SFMBT1: variants seen among roughly 807,000 people sequenced by gnomAD.
The protein encoded by SFMBT1 is Scm like with four mbt domains 1.
A neutral mutation model predicts 108.7 loss-of-function variants in SFMBT1; 32 were observed. That is an observed-to-expected ratio of 0.29 (90% CI 0.22 to 0.40). The LOEUF (loss-of-function observed/expected upper bound fraction) is 0.40, where lower values mean the gene tolerates loss of function less well. SFMBT1 is among the 10% of genes least tolerant of loss of function. The pLI is 1.00. For missense variants in SFMBT1, 816 were observed against 1,059.6 expected, an observed-to-expected ratio of 0.77 and a Z score of 3.19; for synonymous variants, 348 against 369.5, an observed-to-expected ratio of 0.94 and a Z score of 0.67.
chr3:52,928,089 G>A (rs1438401579), intron 9 of SFMBT1, 102 bp downstream of exon 9: 1 of 1,445,822 alleles, frequency 6.9e-7, no homozygotes, highest in African/African-American at 1.4e-5. Flanking sequence ...GAACAGGCTA[G>A]GGCAGGAGGA....
At position 52,904,306 on chromosome 3, in the gene SFMBT1, T is replaced by C. The variant is rs928581048; in HGVS notation, c.*830A>G. The C allele has an allele frequency of 6.6e-6, 1 of 152,174 alleles. No homozygotes were observed. The highest frequency in any genetic ancestry group is 2.4e-5 in the African/African-American group (1 of 41,450). The allele number at this position is 152,174 out of a possible 1,614,324, so 9.4% of individuals were successfully genotyped here. A position where few individuals can be genotyped will look rare whatever the true frequency, so the allele number is the denominator to read the frequency against. ...TACTAACAGTCTTGGTGATGTTACT[T>C]AACACAGGCAGCCTCGGCTGGGTCA... On this transcript the variant is annotated 3_prime_UTR_variant, in exon 21 of 21. Coordinates refer to ENST00000394752, the MANE Select transcript of SFMBT1 (RefSeq NM_016329.4).
intron 1 of SFMBT1, among the ~76,000 whole-genome samples, chr3:52,986,648 T>A (rs530773629): frequency 6.6e-6 from 1 of 150,858 alleles, no homozygotes; most frequent in Non-Finnish European, 1.5e-5. Flanking sequence ...TGGTGGCAGG[T>A]GCCTGTAGTC....
intron 4 of SFMBT1, among the ~76,000 whole-genome samples, chr3:52,940,531 ATACC>A (rs1703147191): frequency 6.6e-6 from 1 of 152,244 alleles, no homozygotes; most frequent in Non-Finnish European, 1.5e-5. Context: ...ACTGATAAAC[ATACC>A]TACATATACA....
At chr3:52,976,873 T>C (rs1261726617) in intron 1 of SFMBT1, among the ~76,000 whole-genome samples, 2 of 152,144 alleles carry the variant, frequency 1.3e-5, no homozygotes, top group Admixed American at 1.3e-4. Context: ...AAAATTTTAT[T>C]TTTCACCCAG....
rs536072935 is a variant in SFMBT1 at position 53,003,966 on chromosome 3, C to T, written c.-130-34708G>A. ...TAGATATTTCCAATTCCTAACCATT[C>T]TTTTCCTCAACAACCTACTCCTTCA... On this transcript the variant is annotated intron_variant, in intron 1 of 20. Coordinates refer to ENST00000394752, the MANE Select transcript of SFMBT1 (RefSeq NM_016329.4). Among the ~76,000 whole-genome samples, 153 of 149,916 alleles carry T rather than the reference C, an allele frequency of 1.0e-3. 7 individuals carry two copies. Among genetic ancestry groups the T allele is most frequent in the South Asian group, 4.9e-3 (23 of 4,706 alleles).
At chr3:52,940,161 T>TA (rs897168207) in intron 4 of SFMBT1, among the ~76,000 whole-genome samples, 5 of 152,250 alleles carry the variant, frequency 3.3e-5, no homozygotes, top group Admixed American at 6.5e-5. Context: ...GTAGGCCAGG[T>TA]GGCTTCATGT....
intron 1 of SFMBT1, among the ~76,000 whole-genome samples, chr3:53,012,698 G>A (rs1485529274): frequency 1.1e-4 from 16 of 151,616 alleles, no homozygotes; most frequent in Admixed American, 2.6e-4. Flanking sequence ...CACCGCGCCC[G>A]GCCGAGTGCT....
chr3:53,044,508 T>C (rs1382534747), intron 1 of SFMBT1, among the ~76,000 whole-genome samples: 1 of 152,196 alleles, frequency 6.6e-6, no homozygotes, highest in Non-Finnish European at 1.5e-5. Context: ...ATTCAACAAA[T>C]GCCTCAAAAC....
At chr3:52,934,569 G>C (rs549526746) in intron 5 of SFMBT1, among the ~76,000 whole-genome samples, 2 of 152,086 alleles carry the variant, frequency 1.3e-5, no homozygotes, top group South Asian at 4.2e-4. Flanking sequence ...TTTTCCAACT[G>C]TATAAAAGAA....
intron 1 of SFMBT1, among the ~76,000 whole-genome samples, chr3:52,985,402 T>C (rs1184985621): frequency 6.6e-6 from 1 of 152,240 alleles, no homozygotes; most frequent in Non-Finnish European, 1.5e-5. Flanking sequence ...GTACCTACTA[T>C]GTATGTGCCT....
At position 52,954,310 on chromosome 3, in the gene SFMBT1, T is replaced by A; in HGVS notation, c.123+7A>T. 6.3e-7 allele frequency: 1 copy of A among 1,597,398 alleles called. No homozygotes were observed. Among genetic ancestry groups the A allele is most frequent in the South Asian group, 1.1e-5 (1 of 89,756 alleles). ...ACACCAGTAAGGCAAATATAGTTAT[T>A]GCTTACATGTTTAAAAGACCCATAG... On this transcript the variant is annotated splice_region_variant and intron_variant, in intron 3 of 20. Coordinates refer to ENST00000394752, the MANE Select transcript of SFMBT1 (RefSeq NM_016329.4).
chr3:52,904,999 C>T lies in SFMBT1; in HGVS notation c.*137G>A, dbSNP rs897367420. ...TGCTTCCTCACTGTGAGTCCTCCTTCCCCGAAAGTGCAAAGAGAGCAAGCT... is the reference window on the plus strand; with the variant it reads ...TGCTTCCTCACTGTGAGTCCTCCTTTCCCGAAAGTGCAAAGAGAGCAAGCT... On this transcript the variant is annotated 3_prime_UTR_variant, in exon 21 of 21. Coordinates refer to ENST00000394752, the MANE Select transcript of SFMBT1 (RefSeq NM_016329.4). The T allele has an allele frequency of 5.0e-6, 6 of 1,189,232 alleles. No homozygotes were observed. Among genetic ancestry groups the T allele is most frequent in the African/African-American group, 4.7e-5 (3 of 63,536 alleles). 73.7% of individuals were successfully genotyped at this position (1,189,232 alleles called of 1,614,324 possible). A position where few individuals can be genotyped will look rare whatever the true frequency, so the allele number is the denominator to read the frequency against.
chr3:53,026,713 A>G (rs1360330043), intron 1 of SFMBT1, among the ~76,000 whole-genome samples: 1 of 152,192 alleles, frequency 6.6e-6, no homozygotes, highest in Non-Finnish European at 1.5e-5. Context: ...CGCACTCTCA[A>G]AAAGGAAGAG....
chr3:52,916,704 AC>A (rs1174222082), intron 13 of SFMBT1, among the ~76,000 whole-genome samples: 16 of 151,312 alleles, frequency 1.1e-4, no homozygotes, highest in South Asian at 6.3e-4. Flanking sequence ...AACAACAACA[AC>A]AAAAAACTAC....
At chr3:52,915,208 C>T (rs186166947) in intron 14 of SFMBT1, among the ~76,000 whole-genome samples, 11 of 152,320 alleles carry the variant, frequency 7.2e-5, no homozygotes, top group Admixed American at 5.9e-4. Context: ...CTCCTGAATG[C>T]ATATGTCAGA....
At chr3:52,995,802 C>A (rs1211338215) in intron 1 of SFMBT1, among the ~76,000 whole-genome samples, 4 of 149,892 alleles carry the variant, frequency 2.7e-5, no homozygotes, top group Non-Finnish European at 6.0e-5. Flanking sequence ...TGCCACCCCC[C>A]AGCTCACGCC....
chr3:52,943,503 C>T lies in SFMBT1; in HGVS notation c.214G>A (p.Val72Ile), dbSNP rs142053347. The T allele has an allele frequency of 1.6e-4, 260 of 1,613,946 alleles. No homozygotes were observed. The highest frequency in any genetic ancestry group is 3.1e-4 in the East Asian group (14 of 44,904). The change falls in exon 4 of 21, where the codon GTT becomes ATT. Residue 72 changes from valine to isoleucine, a missense_variant. By Grantham distance (29) the Val-to-Ile change is conservative (BLOSUM62 3). This residue lies in a region of SFMBT1 where 495 missense variants were observed against 607.4 expected (regional missense o/e 0.81). Coordinates refer to ENST00000394752, the MANE Select transcript of SFMBT1 (RefSeq NM_016329.4). The stretch of plus-strand genomic sequence containing the variant: ...AGCAACTGCTCACAGGTAGTGATAA[C>T]GGTGGCAACCCAGTAGGTCTCAGGA... The part of the protein sequence containing the change: ...TDPETYWVAT[V>I]ITTCEQLLLL...
At position 52,907,327 on chromosome 3, in the gene SFMBT1, G is replaced by T; in HGVS notation, c.2086-13C>A. ...CACCCCCACTTCCCTGCAGGAAAAG[G>T]AGAGAAGTCTCATTGAAATTCAGGA... On this transcript the variant is annotated splice_polypyrimidine_tract_variant and intron_variant, in intron 18 of 20. Transcript: ENST00000394752. 6.3e-7 allele frequency: 1 copy of T among 1,599,734 alleles called. No homozygotes were observed.
At chr3:52,975,525 C>T (rs147297656) in intron 1 of SFMBT1, among the ~76,000 whole-genome samples, 141 of 152,136 alleles carry the variant, frequency 9.3e-4, no homozygotes, top group Non-Finnish European at 1.6e-3. Flanking sequence ...CTCATCTCTA[C>T]GAAAAATTTA....
Sources: allele counts gnomAD v4.1 joint callset (sites outside exome capture counted in the v4.1 genomes callset), GRCh38; gene constraint gnomAD v4.1.1; regional missense constraint gnomAD v4.1.1; transcripts MANE v1.5; gene names NCBI Gene and HGNC (gene_info 2026-07-23, HGNC 2026-07-21).